The following NAV3 variants were observed in gnomAD, a reference collection of about 807,000 sequenced individuals.
NAV3 encodes pore membrane and/or filament interacting like protein 1.
A neutral mutation model predicts 244.7 loss-of-function variants in NAV3; 87 were observed. The observed-to-expected ratio is 0.36, with a 90% CI of 0.30 to 0.42. NAV3 has a LOEUF of 0.42. Among genes scored for constraint, NAV3 ranks in the 20% least tolerant of loss-of-function variants. NAV3 has a pLI of 1.00. For missense variants in NAV3, 2,663 were observed against 2,893.3 expected (o/e 0.92, Z 1.83); for synonymous variants, 1,126 against 1,042.2 (o/e 1.08, Z -1.55).
At chr12:78,081,589 A>G (rs1254992661) in intron 12 of NAV3, among the ~76,000 whole-genome samples, 1 of 152,012 alleles carries the variant, frequency 6.6e-6, no homozygotes, top group Non-Finnish European at 1.5e-5. Flanking sequence ...TTTTCTCCTA[A>G]AATTCTGACC....
At chr12:78,108,553 T>C (rs189306254) in intron 12 of NAV3, among the ~76,000 whole-genome samples, 1 of 152,254 alleles carries the variant, frequency 6.6e-6, no homozygotes, top group East Asian at 1.9e-4. Flanking sequence ...CACCATATGT[T>C]AGGCCACAAA....
intron 4 of NAV3, among the ~76,000 whole-genome samples, chr12:77,968,179 A>G (rs982287026): frequency 2.0e-5 from 3 of 152,232 alleles, no homozygotes; most frequent in Non-Finnish European, 4.4e-5. Flanking sequence ...GGGAATCAAC[A>G]TGCTAAATCA....
chr12:78,025,439 T>C (rs1423596293), intron 9 of NAV3, among the ~76,000 whole-genome samples: 1 of 151,328 alleles, frequency 6.6e-6, no homozygotes, highest in Non-Finnish European at 1.5e-5. Context: ...TTACTAAAAG[T>C]ACAAACATTA....
intron 9 of NAV3, among the ~76,000 whole-genome samples, chr12:78,044,485 T>C (rs1170051452): frequency 1.3e-5 from 2 of 152,160 alleles, no homozygotes; most frequent in Admixed American, 6.6e-5. Context: ...ATGGTAGCTT[T>C]ATGGGGATAG....
intron 18 of NAV3, among the ~76,000 whole-genome samples, chr12:78,129,606 C>G (rs1054031025): frequency 2.0e-5 from 3 of 151,980 alleles, no homozygotes; most frequent in Non-Finnish European, 4.4e-5. Context: ...ATGCCAGATA[C>G]CATTTAATAG....
intron 12 of NAV3, among the ~76,000 whole-genome samples, chr12:78,083,851 T>C (rs906322274): frequency 1.3e-5 from 2 of 152,202 alleles, no homozygotes; most frequent in Non-Finnish European, 2.9e-5. Context: ...AGTTGTCATA[T>C]ATTTCTTTGT....
chr12:77,970,663 G>A (rs1565973466), intron 5 of NAV3, among the ~76,000 whole-genome samples: 2 of 152,078 alleles, frequency 1.3e-5, no homozygotes, highest in South Asian at 2.1e-4. Flanking sequence ...GTTATATCAA[G>A]TGAGATTGTA....
At chr12:77,998,159 G>T (rs1306898628) in intron 6 of NAV3, among the ~76,000 whole-genome samples, 178 bp from the exon 7 acceptor site, 1 of 152,154 alleles carries the variant, frequency 6.6e-6, no homozygotes, top group Non-Finnish European at 1.5e-5. Flanking sequence ...AGGGAAACAA[G>T]ATTTTTCTGA....
intron 3 of NAV3, among the ~76,000 whole-genome samples, chr12:77,945,838 C>T (rs1468547415): frequency 6.6e-6 from 1 of 151,812 alleles, no homozygotes; most frequent in African/African-American, 2.4e-5. Context: ...ACCTCCACCT[C>T]CCGAGTTCAA....
intron 3 of NAV3, among the ~76,000 whole-genome samples, chr12:77,953,361 T>G (rs1044288136): frequency 6.6e-6 from 1 of 152,092 alleles, no homozygotes; most frequent in Non-Finnish European, 1.5e-5. Context: ...TATAAATAAT[T>G]GAATATACCC....
At chr12:77,867,964 G>T (rs1880333905) in intron 1 of NAV3, among the ~76,000 whole-genome samples, 1 of 152,132 alleles carries the variant, frequency 6.6e-6, no homozygotes, top group Admixed American at 6.5e-5. Flanking sequence ...AAGGGAAGTG[G>T]ACTTACACCA....
At chr12:77,888,781 T>C (rs1423452230) in intron 1 of NAV3, among the ~76,000 whole-genome samples, 3 of 152,200 alleles carry the variant, frequency 2.0e-5, no homozygotes, top group East Asian at 3.8e-4. Context: ...CTGAATGTTC[T>C]AAGTCTTCAA....
At chr12:77,766,283 C>T (rs899239855) in intron 2 of NAV3, among the ~76,000 whole-genome samples, 1 of 152,190 alleles carries the variant, frequency 6.6e-6, no homozygotes, top group African/African-American at 2.4e-5. Context: ...AAAAATCTTT[C>T]AGTTCCTTTC....
intron 1 of NAV3, 37 bp from the exon 2 acceptor site, chr12:77,940,282 C>T (rs2137465468): frequency 1.4e-6 from 2 of 1,449,720 alleles, no homozygotes; most frequent in Non-Finnish European, 1.9e-6. Flanking sequence ...TGTTTTCCCT[C>T]ACCCCATCTC....
At chr12:77,727,430 A>G (rs180856777) in intron 2 of NAV3, among the ~76,000 whole-genome samples, 19 of 148,846 alleles carry the variant, frequency 1.3e-4, no homozygotes, top group Non-Finnish European at 2.1e-4. Flanking sequence ...AAGAGGAACA[A>G]TTTTTTTTTT....
intron 1 of NAV3, among the ~76,000 whole-genome samples, chr12:77,928,222 C>CAAAAAAAAA (rs759919821): frequency 1.2e-5 from 1 of 80,530 alleles, no homozygotes; most frequent in African/African-American, 5.1e-5. Context: ...GGCTCCGCCT[C>CAAAAAAAAA]AAAAAAAAAA....
At chr12:78,158,968 T>C (rs909593933) in intron 22 of NAV3, among the ~76,000 whole-genome samples, 1 of 152,118 alleles carries the variant, frequency 6.6e-6, no homozygotes, top group Non-Finnish European at 1.5e-5. Flanking sequence ...CTTTCAGAAG[T>C]TAAACTCACA....
At chr12:77,652,251 C>T (rs118095289) in intron 2 of NAV3, among the ~76,000 whole-genome samples, 507 of 152,166 alleles carry the variant, frequency 3.3e-3, no homozygotes, top group Middle Eastern at 0.01. Flanking sequence ...TTAAATACCC[C>T]GCCCAAGGTC....
chr12:77,902,024 C>G (rs1376025167), intron 1 of NAV3, among the ~76,000 whole-genome samples: 1 of 152,182 alleles, frequency 6.6e-6, no homozygotes, highest in South Asian at 2.1e-4. Flanking sequence ...TCAAAATTGT[C>G]TCTACCTTTA....
Sources: allele counts gnomAD v4.1 joint callset (sites outside exome capture counted in the v4.1 genomes callset), GRCh38; gene constraint gnomAD v4.1.1; transcripts MANE v1.5; gene names NCBI Gene and HGNC (gene_info 2026-07-23, HGNC 2026-07-21).